Variants in PAPOLA observed in about 807,000 individuals in gnomAD.
The protein encoded by PAPOLA is poly(A) polymerase alpha.
PAPOLA carries 15 observed loss-of-function variants against 100.6 expected under a neutral mutation model. The ratio of observed to expected loss-of-function variants is 0.15; its 90% confidence interval spans 0.10 to 0.23. The LOEUF is 0.23. Among genes scored for constraint, PAPOLA ranks in the 10% least tolerant of loss-of-function variants. PAPOLA has a pLI of 1.00. For missense variants in PAPOLA, 533 were observed against 884.2 expected, an observed-to-expected ratio of 0.60 and a Z score of 5.04; for synonymous variants, 293 against 300.0, an observed-to-expected ratio of 0.98 and a Z score of 0.24.
intron 11 of PAPOLA, 33 bp downstream of exon 11, chr14:96,536,032 A>G (rs377329684): frequency 3.9e-6 from 6 of 1,520,450 alleles, no homozygotes; most frequent in Admixed American, 2.0e-5. Context: ...TGATTTATAC[A>G]GGAAGGATTT....
Position 96,502,404 on chromosome 14 carries a change from C to G in PAPOLA, c.-189C>G, listed in dbSNP as rs1387805931. On this transcript the variant is annotated 5_prime_UTR_variant, in exon 1 of 22. Coordinates refer to ENST00000216277, the MANE Select transcript of PAPOLA (RefSeq NM_032632.5). ...TCTAGAACGTTGCTGTGGTAGCGCT[C>G]GGGCGCCATGTTAGGACGAAGGGGA... 1 of 697,176 alleles carries G rather than the reference C, an allele frequency of 1.4e-6. No individual in the cohort carries two copies. The highest frequency in any genetic ancestry group is 1.5e-5 in the South Asian group (1 of 66,452). 43.2% of individuals were successfully genotyped at this position (697,176 alleles called of 1,614,324 possible). A position where few individuals can be genotyped will look rare whatever the true frequency, so the allele number is the denominator to read the frequency against.
intron 20 of PAPOLA, among the ~76,000 whole-genome samples, chr14:96,561,022 G>A (rs1215704011): frequency 6.6e-6 from 1 of 152,172 alleles, no homozygotes; most frequent in Non-Finnish European, 1.5e-5. Flanking sequence ...ATTTCTGACT[G>A]CAGAAATAGC....
At position 96,527,995 on chromosome 14, in the gene PAPOLA, G is replaced by C. The variant is rs1162561075; in HGVS notation, c.484G>C (p.Asp162His). 1.2e-6 allele frequency: 2 copies of C among 1,601,516 alleles called. No individual in the cohort carries two copies. The highest frequency in any genetic ancestry group is 1.1e-5 in the South Asian group (1 of 90,842). Residue 162 changes from aspartate (D) to histidine (H), a missense_variant, in exon 6 of 22, where the codon GAT (aspartate) becomes CAT (histidine). Asp to His is a moderately conservative substitution (Grantham distance 81). This residue lies in a region of PAPOLA where 33 missense variants were observed against 39.2 expected (regional missense o/e 0.84). Transcript: ENST00000216277. Reference sequence around the variant, plus strand: ...CGTACCAGTTATTAAACTCTGTTTTGATGGGATAGAGGTAAGGTATAGTTC... The same window carrying C: ...CGTACCAGTTATTAAACTCTGTTTTCATGGGATAGAGGTAAGGTATAGTTC... The part of the protein sequence containing the change: ...AFVPVIKLCF[D>H]GIEIDILFAR...
intron 9 of PAPOLA, 111 bp from the exon 10 acceptor site, chr14:96,534,379 CA>C (rs1369004516): frequency 2.0e-6 from 3 of 1,519,432 alleles, no homozygotes; most frequent in Non-Finnish European, 2.6e-6. Context: ...TTGTATGTAC[CA>C]AGAAGGCAGA....
In PAPOLA at chr14:96,525,331, G is replaced by A. The variant is rs757186899; in HGVS notation, c.271G>A (p.Glu91Lys). The A allele has an allele frequency of 2.0e-6, 3 of 1,517,556 alleles. No homozygotes were observed. Among genetic ancestry groups the A allele is most frequent in the South Asian group, 2.3e-5 (2 of 86,104 alleles). The allele number at this position is 1,517,556 out of a possible 1,614,324, so 94.0% of individuals were successfully genotyped here. A position where few individuals can be genotyped will look rare whatever the true frequency, so the allele number is the denominator to read the frequency against. ...ESKNLPQSVI[E>K]NVGGKIFTFG... is the part of the protein sequence containing the mutation. ...ACAGAATCTTCCACAATCTGTAATT[G>A]AAAATGTTGGAGGAAAAATTTTTAC... Residue 91 changes from glutamate (E) to lysine (K), a missense_variant, in exon 4 of 22, where the codon GAA becomes AAA. Glu to Lys is a moderately conservative substitution (Grantham distance 56). This residue lies in a region of PAPOLA where 54 missense variants were observed against 133.2 expected (regional missense o/e 0.41). Coordinates refer to ENST00000216277, the MANE Select transcript of PAPOLA (RefSeq NM_032632.5).
intron 1 of PAPOLA, among the ~76,000 whole-genome samples, chr14:96,509,496 C>G (rs530474917): frequency 6.6e-6 from 1 of 152,112 alleles, no homozygotes; most frequent in East Asian, 1.9e-4. Context: ...CAGAATGTAA[C>G]ATACTATAGA....
At chr14:96,518,329 C>G (rs1029257084) in intron 1 of PAPOLA, among the ~76,000 whole-genome samples, 5 of 152,028 alleles carry the variant, frequency 3.3e-5, no homozygotes, top group Non-Finnish European at 5.9e-5. Context: ...GGAGTATAGA[C>G]CAGAACCCAG....
At chr14:96,535,010 ATGTAAT>A (rs1462038720) in intron 10 of PAPOLA, 2 of 976,298 alleles carry the variant, frequency 2.0e-6, no homozygotes, top group Non-Finnish European at 2.4e-6. Flanking sequence ...AATTACCATG[ATGTAAT>A]TGTAAAAAAA....
At position 96,531,895 on chromosome 14, in the gene PAPOLA, G is replaced by C. The variant is rs568957573; in HGVS notation, c.607+309G>C. On this transcript the variant is annotated intron_variant, in intron 7 of 21. Transcript: ENST00000216277. ...CCTAACCCAAATTAATTTTGATCCT[G>C]TTATTCTTTAGTAATGCTTTCAGCA... 219 of 1,355,612 alleles carry C rather than the reference G, an allele frequency of 1.6e-4. No individual in the cohort carries two copies. The African/African-American group carries it at 2.8e-3, about 17-fold the overall frequency. The allele number at this position is 1,355,612 out of a possible 1,614,324, so 84.0% of individuals were successfully genotyped here. A position where few individuals can be genotyped will look rare whatever the true frequency, so the allele number is the denominator to read the frequency against.
At chr14:96,531,877 CA>C in intron 7 of PAPOLA, 2 of 1,369,148 alleles carry the variant, frequency 1.5e-6, no homozygotes, top group Non-Finnish European at 1.9e-6. Context: ...TGGCCTAACC[CA>C]AATTAATTTT....
intron 3 of PAPOLA, among the ~76,000 whole-genome samples, chr14:96,522,116 CT>C (rs754167531): frequency 2.2e-3 from 127 of 57,848 alleles, no homozygotes; most frequent in East Asian, 7.9e-3. Context: ...TTCTTTCTTT[CT>C]TTTTTTTTTT....
chr14:96,511,258 T>C (rs1430131404), intron 1 of PAPOLA, among the ~76,000 whole-genome samples: 3 of 152,026 alleles, frequency 2.0e-5, no homozygotes, highest in Non-Finnish European at 4.4e-5. Flanking sequence ...GCCTGATGAG[T>C]TTTGTATAAA....
At position 96,552,640 on chromosome 14, in the gene PAPOLA, A is replaced by G. The variant is rs1349678967; in HGVS notation, c.1664+18A>G. 1.9e-6 allele frequency: 3 copies of G among 1,607,812 alleles called. No homozygotes were observed. Among genetic ancestry groups the G allele is most frequent in the Admixed American group, 3.4e-5 (2 of 59,108 alleles). ...TCTCAGGGGTAAGGAAAAAGAGGGA[A>G]ATAGAAGTGGAGGGGCTGTTTGCTA... On this transcript the variant is annotated intron_variant, in intron 17 of 21. Coordinates refer to ENST00000216277, the MANE Select transcript of PAPOLA (RefSeq NM_032632.5).
intron 19 of PAPOLA, among the ~76,000 whole-genome samples, chr14:96,559,581 C>CTATATATATATA (rs1555396726): frequency 9.0e-4 from 108 of 120,174 alleles, no homozygotes; most frequent in African/African-American, 3.2e-3. Flanking sequence ...CTCTCTCTCT[C>CTATATATATATA]TATATATATA....
chr14:96,559,600 C>T (rs995644521), intron 19 of PAPOLA, among the ~76,000 whole-genome samples: 1 of 131,008 alleles, frequency 7.6e-6, no homozygotes, highest in Non-Finnish European at 1.6e-5. Context: ...TATATATACA[C>T]ACACACATAT....
Position 96,502,428 on chromosome 14 carries a change from G to A in PAPOLA, c.-165G>A. On this transcript the variant is annotated 5_prime_UTR_variant, in exon 1 of 22. Transcript: ENST00000216277. ...TCGGGCGCCATGTTAGGACGAAGGG[G>A]AAGGAGGAGAAGCGCTTAAAGCGGC... The A allele has an allele frequency of 5.7e-6, 4 of 700,438 alleles. No individual in the cohort carries two copies. Among genetic ancestry groups the A allele is most frequent in the Non-Finnish European group, 1.0e-5 (4 of 384,518 alleles). 43.4% of individuals were successfully genotyped at this position (700,438 alleles called of 1,614,324 possible). A position where few individuals can be genotyped will look rare whatever the true frequency, so the allele number is the denominator to read the frequency against.
intron 1 of PAPOLA, among the ~76,000 whole-genome samples, chr14:96,514,299 A>G (rs1451561350): frequency 6.6e-6 from 1 of 151,424 alleles, no homozygotes; most frequent in Admixed American, 6.6e-5. Context: ...TCAGCCTCAC[A>G]AGTAGCTATG....
intron 20 of PAPOLA, among the ~76,000 whole-genome samples, 186 bp downstream of exon 20, chr14:96,560,897 C>CTT (rs1293945224): frequency 1.3e-5 from 2 of 151,894 alleles, no homozygotes; most frequent in African/African-American, 2.4e-5. Flanking sequence ...CATTCTGTGC[C>CTT]TTTAAAGGAG....
intron 4 of PAPOLA, among the ~76,000 whole-genome samples, 155 bp downstream of exon 4, chr14:96,525,546 A>G (rs1320315523): frequency 6.6e-6 from 1 of 152,214 alleles, no homozygotes; most frequent in Non-Finnish European, 1.5e-5. Context: ...AAGATGTAAA[A>G]TAATGCTGAC....
Sources: allele counts gnomAD v4.1 joint callset (sites outside exome capture counted in the v4.1 genomes callset), GRCh38; gene constraint gnomAD v4.1.1; regional missense constraint gnomAD v4.1.1; transcripts MANE v1.5; gene names NCBI Gene and HGNC (gene_info 2026-07-23, HGNC 2026-07-21).